Variants in TRAPPC9 observed in about 807,000 individuals in gnomAD.
TRAPPC9 encodes IKK2 binding protein.
A neutral mutation model predicts 124.0 loss-of-function variants in TRAPPC9; 83 were observed. The observed-to-expected ratio is 0.67, with a 90% CI of 0.56 to 0.80. The LOEUF (loss-of-function observed/expected upper bound fraction) is 0.80, where lower values mean the gene tolerates loss of function less well. TRAPPC9 is among the 30% of genes least tolerant of loss of function. TRAPPC9 has a pLI of 0.00. For missense variants in TRAPPC9, 1,302 were observed against 1,508.3 expected (o/e 0.86, Z 2.27); for synonymous variants, 638 against 617.5 (o/e 1.03, Z -0.49).
At position 140,383,851 on chromosome 8, in the gene TRAPPC9, C is replaced by T. The variant is rs1027612041; in HGVS notation, c.1135-12671G>A. 2.0e-5 allele frequency among the ~76,000 whole-genome samples: 3 copies of T among 152,088 alleles called. No individual in the cohort carries two copies. The East Asian group carries it at 5.8e-4, about 29-fold the overall frequency. On this transcript the variant is annotated intron_variant, in intron 7 of 22. Coordinates refer to ENST00000438773, the MANE Select transcript of TRAPPC9 (RefSeq NM_001160372.4). ...CTCCTCAAGAAGAGCAACTCCAAGA[C>T]ACATAATTGTCAGATTCACCAAAGT...
intron 21 of TRAPPC9, among the ~76,000 whole-genome samples, chr8:139,833,573 G>A (rs1393038316): frequency 2.0e-5 from 3 of 152,238 alleles, no homozygotes; most frequent in Admixed American, 6.5e-5. Flanking sequence ...TTCCTTACTC[G>A]AAGCGGAGGC....
intron 19 of TRAPPC9, among the ~76,000 whole-genome samples, chr8:139,943,949 T>C (rs1377271804): frequency 1.3e-5 from 2 of 152,148 alleles, no homozygotes; most frequent in Non-Finnish European, 2.9e-5. Flanking sequence ...CATTCTAACA[T>C]ACCTGTCCTT....
intron 12 of TRAPPC9, among the ~76,000 whole-genome samples, chr8:140,289,174 AGTGTGTGTGTG>A (rs1450923698): frequency 3.0e-4 from 44 of 148,428 alleles, no homozygotes; most frequent in East Asian, 2.2e-3. Flanking sequence ...ATATATATAT[AGTGTGTGTGTG>A]TGTGTGTGTG....
At chr8:139,888,895 AACAG>A (rs1264000244) in intron 20 of TRAPPC9, among the ~76,000 whole-genome samples, 1 of 152,218 alleles carries the variant, frequency 6.6e-6, no homozygotes, top group Non-Finnish European at 1.5e-5. Context: ...ACTGTGACCC[AACAG>A]ACAGTCTTTT....
At chr8:139,810,455 C>T (rs545763213) in intron 21 of TRAPPC9, among the ~76,000 whole-genome samples, 1 of 152,272 alleles carries the variant, frequency 6.6e-6, no homozygotes, top group South Asian at 2.1e-4. Flanking sequence ...GTGTTGGGAC[C>T]TTGAAACTGG....
intron 17 of TRAPPC9, among the ~76,000 whole-genome samples, chr8:140,194,135 C>T (rs1428189483): frequency 6.6e-6 from 1 of 152,170 alleles, no homozygotes; most frequent in East Asian, 1.9e-4. Context: ...CCAGGACCAC[C>T]CATTTAAAAT....
chr8:140,141,969 C>A (rs2061388020), intron 17 of TRAPPC9, among the ~76,000 whole-genome samples: 1 of 152,204 alleles, frequency 6.6e-6, no homozygotes, highest in South Asian at 2.1e-4. Context: ...TGCTGCTGAG[C>A]ACCCTGGGGG....
chr8:140,079,699 G>C (rs533408488), intron 17 of TRAPPC9, among the ~76,000 whole-genome samples: 1 of 152,330 alleles, frequency 6.6e-6, no homozygotes, highest in East Asian at 1.9e-4. Context: ...GGGAGGCCAA[G>C]AGGGCGGATT....
At chr8:139,766,789 C>A (rs1820614482) in intron 21 of TRAPPC9, among the ~76,000 whole-genome samples, 1 of 152,248 alleles carries the variant, frequency 6.6e-6, no homozygotes, top group South Asian at 2.1e-4. Context: ...GAGCTCCCCG[C>A]CTGGCTCCTC....
In TRAPPC9 at chr8:140,353,661, C is replaced by G. The variant is rs981817034; in HGVS notation, c.1495+6389G>C. Among the ~76,000 whole-genome samples, 7 of 152,246 alleles carry G rather than the reference C, an allele frequency of 4.6e-5. No individual in the cohort carries two copies. Among genetic ancestry groups the G allele is most frequent in the Admixed American group, 3.9e-4 (6 of 15,286 alleles). ...ATCAGGCCGCGGGCCAGACCTGGTC[C>G]ATAGGCCACGGTTTGCCAAACCCTG... is the stretch of plus-strand genomic sequence containing the variant. On this transcript the variant is annotated intron_variant, in intron 9 of 22. Coordinates refer to ENST00000438773, the MANE Select transcript of TRAPPC9 (RefSeq NM_001160372.4). This position sits in a 1 kb window ranked among gnomAD's most constrained non-coding sequence, Gnocchi z 4.2.
At chr8:139,942,567 A>T (rs1219692352) in intron 19 of TRAPPC9, among the ~76,000 whole-genome samples, 5 of 152,214 alleles carry the variant, frequency 3.3e-5, no homozygotes, top group Non-Finnish European at 7.3e-5. Context: ...TGAAAGTTGG[A>T]AAAGTAGAAA....
chr8:140,253,021 A>C, intron 15 of TRAPPC9, 92 bp from the exon 16 acceptor site: 2 of 1,277,498 alleles, frequency 1.6e-6, no homozygotes, highest in Non-Finnish European at 2.2e-6. Flanking sequence ...GCATTCTCAA[A>C]AGCCAAGGAA....
At chr8:140,401,463 CACAGGG>C (rs2069268248) in intron 6 of TRAPPC9, among the ~76,000 whole-genome samples, 1 of 152,132 alleles carries the variant, frequency 6.6e-6, no homozygotes, top group South Asian at 2.1e-4. Flanking sequence ...AAAAAACTAA[CACAGGG>C]ACTTGATTCT....
intron 5 of TRAPPC9, among the ~76,000 whole-genome samples, chr8:140,424,297 C>A (rs566855688): frequency 6.6e-6 from 1 of 151,328 alleles, no homozygotes; most frequent in African/African-American, 2.4e-5. Flanking sequence ...TCCAAAAGAT[C>A]ATTTTACGTA....
intron 21 of TRAPPC9, among the ~76,000 whole-genome samples, chr8:139,851,313 C>T (rs1010599136): frequency 7.2e-5 from 11 of 152,292 alleles, no homozygotes; most frequent in East Asian, 5.8e-4. Flanking sequence ...ACACTCTCCC[C>T]GTGTCACCAT....
At chr8:140,344,958 G>A (rs561422685) in intron 9 of TRAPPC9, among the ~76,000 whole-genome samples, 7 of 152,376 alleles carry the variant, frequency 4.6e-5, no homozygotes, top group African/African-American at 9.6e-5. Flanking sequence ...TGTACTAGAC[G>A]TGGGGCCTGA....
chr8:139,948,298 G>A (rs1436439229), intron 19 of TRAPPC9, among the ~76,000 whole-genome samples: 1 of 145,432 alleles, frequency 6.9e-6, no homozygotes, highest in Non-Finnish European at 1.5e-5. Flanking sequence ...CACACACACT[G>A]TGACGTACAG....
At chr8:139,906,400 A>T (rs1165833360) in intron 20 of TRAPPC9, among the ~76,000 whole-genome samples, 1 of 152,128 alleles carries the variant, frequency 6.6e-6, no homozygotes, top group Non-Finnish European at 1.5e-5. Flanking sequence ...GCTGGGCGCT[A>T]CTCAGAGGCC....
intron 16 of TRAPPC9, among the ~76,000 whole-genome samples, chr8:140,239,734 C>A (rs1237691811): frequency 6.6e-6 from 1 of 152,186 alleles, no homozygotes; most frequent in Non-Finnish European, 1.5e-5. Flanking sequence ...CCATGAAATC[C>A]CTGGCCTTCT....
Sources: allele counts gnomAD v4.1 joint callset (sites outside exome capture counted in the v4.1 genomes callset), GRCh38; gene constraint gnomAD v4.1.1; non-coding constraint Gnocchi (gnomAD v3.1); transcripts MANE v1.5; gene names NCBI Gene and HGNC (gene_info 2026-07-23, HGNC 2026-07-21).